The following ADGRG7 variants were observed in gnomAD, a reference collection of about 807,000 sequenced individuals.
The protein encoded by ADGRG7 is adhesion G protein-coupled receptor G7.
Under a neutral mutation model 88.6 loss-of-function variants are expected in ADGRG7, and 82 were observed. That is an observed-to-expected ratio of 0.93 (90% confidence interval 0.77 to 1.11). The LOEUF (loss-of-function observed/expected upper bound fraction) is 1.11. Among genes scored for constraint, ADGRG7 ranks in the 50% most tolerant of loss-of-function variants. ADGRG7 has a pLI of 0.00. For missense variants in ADGRG7, 945 were observed against 953.4 expected (o/e 0.99, Z 0.12); for synonymous variants, 381 against 345.2 (o/e 1.10, Z -1.15).
At position 100,636,606 on chromosome 3, in the gene ADGRG7, C is replaced by A. The variant is rs139697060; in HGVS notation, c.598-696C>A. On this transcript the variant is annotated intron_variant, in intron 5 of 15. Transcript: ENST00000273352. ...GAATATCAGCATGCCCTGAAAATAG[C>A]TACTCCTTTCTTCCATTCCCTTTAA... 3.5e-3 allele frequency among the ~76,000 whole-genome samples: 524 copies of A among 151,780 alleles called. 4 individuals carry two copies. The highest frequency in any genetic ancestry group is 0.012 in the African/African-American group (509 of 41,450).
At position 100,652,245 on chromosome 3, in the gene ADGRG7, A is replaced by T. The variant is rs114525966; in HGVS notation, c.1379+2438A>T. On this transcript the variant is annotated intron_variant, in intron 11 of 15. Coordinates refer to ENST00000273352, the MANE Select transcript of ADGRG7 (RefSeq NM_032787.3). ...CTCAACTAAAATGTCAAGCAGATGG[A>T]CTGAGTTCTGTTTGAATGAAAGCTT... Among the ~76,000 whole-genome samples the T allele has an allele frequency of 3.5e-3, 527 of 152,234 alleles. 5 individuals carry two copies. The highest frequency in any genetic ancestry group is 5.1e-3 in the Non-Finnish European group (350 of 68,014).
chr3:100,613,158 G>A (rs1707179212), intron 1 of ADGRG7, among the ~76,000 whole-genome samples: 1 of 152,150 alleles, frequency 6.6e-6, no homozygotes. Context: ...CCAAAGTGCT[G>A]GGATTACAGG....
chr3:100,643,533 C>G lies in ADGRG7; in HGVS notation c.846C>G (p.Ser282Arg), dbSNP rs1202067101. ...CTCTTTCCCTTCTCATAGGAGCTAGCAGTTCTCTAGTTTCTAGTTCAACAT... is the reference window on the plus strand; with the variant it reads ...CTCTTTCCCTTCTCATAGGAGCTAGGAGTTCTCTAGTTTCTAGTTCAACAT... ...NVRFSVQKGA[S>R]SSLVSSSTFI... is the part of the protein sequence containing the mutation. The change falls in exon 8 of 16, where the codon AGC becomes AGG. Residue 282 changes from serine to arginine, a missense_variant. By Grantham distance (110) the Ser-to-Arg change is moderately radical (BLOSUM62 -1). Transcript: ENST00000273352. 3.1e-6 allele frequency: 5 copies of G among 1,612,492 alleles called. No individual in the cohort carries two copies. In the Admixed American group the frequency reaches 8.4e-5, roughly 27 times the overall value.
At chr3:100,615,840 G>A (rs1489578293) in intron 1 of ADGRG7, among the ~76,000 whole-genome samples, 1 of 152,164 alleles carries the variant, frequency 6.6e-6, no homozygotes, top group Admixed American at 6.6e-5. Context: ...AGGGGGACAG[G>A]AGGCATGATT....
intron 14 of ADGRG7, among the ~76,000 whole-genome samples, chr3:100,660,350 G>T (rs985813273): frequency 2.6e-5 from 4 of 152,024 alleles, no homozygotes; most frequent in African/African-American, 9.7e-5. Context: ...TGCCATCCAG[G>T]CTGGAGTGCA....
chr3:100,629,732 C>A, intron 2 of ADGRG7, 21 bp downstream of exon 2: 1 of 1,484,326 alleles, frequency 6.7e-7, no homozygotes, highest in Non-Finnish European at 9.4e-7. Flanking sequence ...TGGGATAATG[C>A]TAAAGTGTAA....
At chr3:100,620,935 C>G (rs1200513856) in intron 1 of ADGRG7, among the ~76,000 whole-genome samples, 1 of 151,912 alleles carries the variant, frequency 6.6e-6, no homozygotes, top group Non-Finnish European at 1.5e-5. Context: ...GTCTCTGTGT[C>G]AGTCACATTT....
At chr3:100,693,908 G>A (rs1225022375) in intron 15 of ADGRG7, among the ~76,000 whole-genome samples, 3 of 152,148 alleles carry the variant, frequency 2.0e-5, no homozygotes, top group Admixed American at 2.0e-4. Flanking sequence ...GATACACTTT[G>A]CAGTCACTTT....
rs1193091952 is a variant in ADGRG7 at position 100,694,743 on chromosome 3, G to A, written c.2137-1G>A. 1.9e-6 allele frequency: 3 copies of A among 1,612,906 alleles called. No individual in the cohort carries two copies. Among genetic ancestry groups the A allele is most frequent in the African/African-American group, 2.7e-5 (2 of 74,824 alleles). On this transcript the variant is annotated splice_acceptor_variant, in intron 15 of 15. Coordinates refer to ENST00000273352, the MANE Select transcript of ADGRG7 (RefSeq NM_032787.3). LOFTEE classifies it high-confidence loss of function. ...ACATTAAACTTTTGTTCTATCTGCAGGGATTGCAAATTTTTATCCTGTACA... is the reference window on the plus strand; with the variant it reads ...ACATTAAACTTTTGTTCTATCTGCAAGGATTGCAAATTTTTATCCTGTACA...
chr3:100,684,438 C>G (rs1360478508), intron 15 of ADGRG7, among the ~76,000 whole-genome samples: 2 of 151,578 alleles, frequency 1.3e-5, no homozygotes, highest in East Asian at 3.9e-4. Context: ...TAATTTTTTT[C>G]CAATTATTTT....
intron 1 of ADGRG7, among the ~76,000 whole-genome samples, chr3:100,626,246 T>C (rs1459859810): frequency 3.3e-5 from 5 of 152,216 alleles, no homozygotes; most frequent in Non-Finnish European, 5.9e-5. Flanking sequence ...TGAGGGTGTA[T>C]GTGTCCAGGA....
intron 10 of ADGRG7, among the ~76,000 whole-genome samples, chr3:100,647,583 C>A (rs1707776415): frequency 6.6e-6 from 1 of 152,146 alleles, no homozygotes. Context: ...GTGCAAGTAA[C>A]TGATAATACT....
intron 15 of ADGRG7, among the ~76,000 whole-genome samples, chr3:100,673,278 T>C (rs1241876633): frequency 6.6e-6 from 1 of 152,198 alleles, no homozygotes; most frequent in South Asian, 2.1e-4. Context: ...TTCGACTTCC[T>C]CCTGGTTTAG....
At chr3:100,675,055 T>G (rs1384864691) in intron 15 of ADGRG7, among the ~76,000 whole-genome samples, 1 of 152,202 alleles carries the variant, frequency 6.6e-6, no homozygotes, top group African/African-American at 2.4e-5. Flanking sequence ...GATAATTTGA[T>G]TTCTTCCTTT....
At chr3:100,622,933 T>A (rs564701686) in intron 1 of ADGRG7, among the ~76,000 whole-genome samples, 1 of 151,200 alleles carries the variant, frequency 6.6e-6, no homozygotes, top group African/African-American at 2.4e-5. Flanking sequence ...TTTTTGTTTT[T>A]TTTTTTTGGT....
chr3:100,667,300 G>A (rs1480241816), intron 14 of ADGRG7, among the ~76,000 whole-genome samples: 1 of 152,062 alleles, frequency 6.6e-6, no homozygotes, highest in Non-Finnish European at 1.5e-5. Flanking sequence ...ACCTACATTA[G>A]GTATTTCTCC....
rs142005954 is a variant in ADGRG7, at chr3:100,668,672, A to G, written c.1980-277A>G. 5.4e-3 allele frequency among the ~76,000 whole-genome samples: 817 copies of G among 152,312 alleles called. 6 individuals carry two copies. Among genetic ancestry groups the G allele is most frequent in the Non-Finnish European group, 8.4e-3 (569 of 68,022 alleles). On this transcript the variant is annotated intron_variant, in intron 14 of 15. Coordinates refer to ENST00000273352, the MANE Select transcript of ADGRG7 (RefSeq NM_032787.3). ...AAATGAAAATTCCATTTCAATGAAG[A>G]AGTTGGTTCTTAAAATTTGCCTGCT...
chr3:100,631,544 G>A (rs1030245935), intron 3 of ADGRG7, among the ~76,000 whole-genome samples: 1 of 151,906 alleles, frequency 6.6e-6, no homozygotes, highest in African/African-American at 2.4e-5. Flanking sequence ...ACTTGCATTT[G>A]AGCAGTCCTA....
At chr3:100,659,950 C>A in intron 14 of ADGRG7, 107 bp downstream of exon 14, 1 of 1,073,394 alleles carries the variant, frequency 9.3e-7, no homozygotes, top group Non-Finnish European at 1.4e-6. Context: ...GAGACAATGG[C>A]AGGGCTACGT....
Sources: gnomAD v4.1 joint callset for allele counts (sites outside exome capture counted in the v4.1 genomes callset) on GRCh38, gnomAD v4.1.1 for gene constraint, MANE v1.5 for transcripts, NCBI Gene and HGNC (gene_info 2026-07-23, HGNC 2026-07-21) for gene names.